LMTK2: variants seen among roughly 807,000 people sequenced by gnomAD.
The protein encoded by LMTK2 is lemur tail kinase 2, also known as serine/threonine-protein kinase LMTK2.
LMTK2 carries 37 observed loss-of-function variants against 127.5 expected under a neutral mutation model. That is an observed-to-expected ratio of 0.29 (90% confidence interval 0.22 to 0.38). The LOEUF is 0.38. Among genes scored for constraint, LMTK2 ranks in the 10% least tolerant of loss-of-function variants. LMTK2 has a pLI of 1.00. For synonymous variants in LMTK2, 819 were observed against 810.1 expected (o/e 1.01, Z -0.19); for missense variants, 1,694 against 1,920.3 (o/e 0.88, Z 2.20).
chr7:98,110,775 C>A (rs1445382052), intron 1 of LMTK2, among the ~76,000 whole-genome samples: 1 of 152,182 alleles, frequency 6.6e-6, no homozygotes, highest in Non-Finnish European at 1.5e-5. Context: ...TATTAGGTCA[C>A]AGAGTACAGA....
rs768239746 is a variant in LMTK2 at position 98,192,187 on chromosome 7, C to T, written c.1722C>T (p.Thr574=). 3.9e-6 allele frequency: 6 copies of T among 1,524,010 alleles called. No homozygotes were observed. The East Asian group carries it at 6.8e-5, about 17-fold the overall frequency. The allele number at this position is 1,524,010 out of a possible 1,614,324, so 94.4% of individuals were successfully genotyped here. A position where few individuals can be genotyped will look rare whatever the true frequency, so the allele number is the denominator to read the frequency against. The change falls in exon 11 of 14, where the codon ACC becomes ACT. Residue 574 remains threonine, a synonymous_variant. Coordinates refer to ENST00000297293, the MANE Select transcript of LMTK2 (RefSeq NM_014916.4). ...ATTACCCACCAGCGCTGCTCACAAC[C>T]GACATGGATAATCCAGAAAGGACTG... ...ELDYPPALLT[T]DMDNPERTGP... is the part of the protein sequence containing the mutation.
intron 8 of LMTK2, among the ~76,000 whole-genome samples, chr7:98,185,963 C>T (rs1294042478): frequency 6.6e-6 from 1 of 151,958 alleles, no homozygotes; most frequent in Non-Finnish European, 1.5e-5. Context: ...AAATATTATG[C>T]AAATAGAAAT....
rs918407182 is a variant in LMTK2, at chr7:98,148,511, T to A, written c.377-2871T>A. ...CCGTCTCAAAAAAAAAAAAAAATAATAATAATAATAATAAATAAAAATAAA... is the reference window on the plus strand; with the variant it reads ...CCGTCTCAAAAAAAAAAAAAAATAAAAATAATAATAATAAATAAAAATAAA... On this transcript the variant is annotated intron_variant, in intron 3 of 13. Coordinates refer to ENST00000297293, the MANE Select transcript of LMTK2 (RefSeq NM_014916.4). Among the ~76,000 whole-genome samples, 1,233 of 147,756 alleles carry A rather than the reference T, an allele frequency of 8.3e-3. 9 individuals carry two copies. The highest frequency in any genetic ancestry group is 9.3e-3 in the Non-Finnish European group (621 of 66,952).
rs756141337 is a variant in LMTK2 at position 98,192,140 on chromosome 7, A to G, written c.1675A>G (p.Ser559Gly). ...SDYYIQLEEK[S>G]GSNLELDYPP... The stretch of plus-strand genomic sequence containing the variant: ...CTATTATATCCAGTTAGAAGAAAAA[A>G]GTGGTAGTAACTTGGAGCTTGATTA... Residue 559 changes from serine (S) to glycine (G), a missense_variant, in exon 11 of 14, where the codon AGT becomes GGT. Ser to Gly is a moderately conservative substitution (Grantham distance 56). Around this residue, in one of 8 missense-constraint regions of LMTK2, gnomAD observed 527 missense variants for 539.8 expected, o/e 0.98. Coordinates refer to ENST00000297293, the MANE Select transcript of LMTK2 (RefSeq NM_014916.4). 1.3e-6 allele frequency: 2 copies of G among 1,531,432 alleles called. No individual in the cohort carries two copies. Among genetic ancestry groups the G allele is most frequent in the East Asian group, 2.3e-5 (1 of 44,288 alleles). The allele number at this position is 1,531,432 out of a possible 1,614,324, so 94.9% of individuals were successfully genotyped here.
intron 1 of LMTK2, among the ~76,000 whole-genome samples, chr7:98,115,248 A>G (rs1003114049): frequency 2.6e-4 from 39 of 151,598 alleles, no homozygotes; most frequent in African/African-American, 8.2e-4. Flanking sequence ...AACCCCGTCT[A>G]TACTAAAAAA....
At chr7:98,117,916 G>A (rs1204603825) in intron 1 of LMTK2, among the ~76,000 whole-genome samples, 5 of 152,154 alleles carry the variant, frequency 3.3e-5, no homozygotes, top group African/African-American at 4.8e-5. Flanking sequence ...GCAATGAGCC[G>A]AGATCGGACC....
At chr7:98,122,694 G>A (rs1431305517) in intron 1 of LMTK2, among the ~76,000 whole-genome samples, 7 of 2,440 alleles carry the variant, frequency 2.9e-3, no homozygotes, top group African/African-American at 3.4e-3. Context: ...GTGTGTGTGT[G>A]TGTGTGTGTG....
At chr7:98,180,756 T>G (rs1584285113) in intron 7 of LMTK2, among the ~76,000 whole-genome samples, 1 of 152,196 alleles carries the variant, frequency 6.6e-6, no homozygotes, top group Non-Finnish European at 1.5e-5. Flanking sequence ...TATATTAATA[T>G]TTACTTATAA....
chr7:98,129,023 G>A (rs16869462), intron 1 of LMTK2, among the ~76,000 whole-genome samples: 28,582 of 152,012 alleles, frequency 0.19, 3,818 homozygotes, highest in East Asian at 0.43. Flanking sequence ...GTGTAAAATT[G>A]TTGAAGGATG....
Position 98,194,134 on chromosome 7 carries a change from C to T in LMTK2, c.3669C>T (p.Cys1223=). 1 of 1,614,134 alleles carries T rather than the reference C, an allele frequency of 6.2e-7. No individual in the cohort carries two copies. Among genetic ancestry groups the T allele is most frequent in the Admixed American group, 1.7e-5 (1 of 60,024 alleles). ...TCGAGACACAGGACGATCGCCCCTGCACCCTCGCTTCCACGGGGACCAACA... is the reference window on the plus strand; with the variant it reads ...TCGAGACACAGGACGATCGCCCCTGTACCCTCGCTTCCACGGGGACCAACA... The part of the protein sequence containing the change: ...DDFETQDDRP[C]TLASTGTNTN... Residue 1223 remains cysteine (C), a synonymous_variant, in exon 11 of 14, where the codon TGC becomes TGT. Coordinates refer to ENST00000297293, the MANE Select transcript of LMTK2 (RefSeq NM_014916.4). This position sits in a 1 kb window ranked among gnomAD's most constrained non-coding sequence, Gnocchi z 5.4.
intron 1 of LMTK2, among the ~76,000 whole-genome samples, chr7:98,123,863 G>T (rs1330399518): frequency 6.6e-6 from 1 of 151,972 alleles, no homozygotes; most frequent in Non-Finnish European, 1.5e-5. Flanking sequence ...TACTTCTGTT[G>T]ATCTTTTTGT....
chr7:98,177,584 C>G (rs991372195), intron 7 of LMTK2, among the ~76,000 whole-genome samples: 1 of 152,192 alleles, frequency 6.6e-6, no homozygotes, highest in African/African-American at 2.4e-5. Flanking sequence ...ACTTGCTTGG[C>G]CTTGACTTCC....
intron 1 of LMTK2, among the ~76,000 whole-genome samples, chr7:98,116,632 T>G (rs950206147): frequency 7.9e-5 from 12 of 152,334 alleles, no homozygotes; most frequent in South Asian, 6.2e-4. Flanking sequence ...GTACAGAGTG[T>G]TCCTGTGTAT....
intron 8 of LMTK2, 98 bp downstream of exon 8, chr7:98,185,233 G>T (rs536815340): frequency 5.5e-5 from 45 of 824,556 alleles, no homozygotes; most frequent in African/African-American, 1.0e-4. Flanking sequence ...AATCTTAGTC[G>T]CTAGGCTTTC....
intron 1 of LMTK2, among the ~76,000 whole-genome samples, chr7:98,107,513 C>T (rs1477767089): frequency 1.3e-5 from 2 of 152,188 alleles, no homozygotes; most frequent in Non-Finnish European, 2.9e-5. Flanking sequence ...TAGCAGCCAC[C>T]GACCCCTCCC....
At position 98,208,779 on chromosome 7, in the gene LMTK2, G is replaced by T. The variant is rs1211863150; in HGVS notation, c.*3287G>T. The stretch of plus-strand genomic sequence containing the variant: ...TTCACCGTAAGGGTGCAGAAAGCTC[G>T]ACCAAGCCGAATTGCAAACAACGTT... On this transcript the variant is annotated 3_prime_UTR_variant, in exon 14 of 14. Coordinates refer to ENST00000297293, the MANE Select transcript of LMTK2 (RefSeq NM_014916.4). 2.6e-5 allele frequency: 4 copies of T among 152,220 alleles called. No homozygotes were observed. Among genetic ancestry groups the T allele is most frequent in the Admixed American group, 2.6e-4 (4 of 15,292 alleles). The allele number at this position is 152,220 out of a possible 1,614,324, so 9.4% of individuals were successfully genotyped here. A position where few individuals can be genotyped will look rare whatever the true frequency, so the allele number is the denominator to read the frequency against.
At chr7:98,141,667 C>G (rs1796702311) in intron 3 of LMTK2, 126 bp downstream of exon 3, 2 of 920,068 alleles carry the variant, frequency 2.2e-6, no homozygotes, top group Middle Eastern at 2.2e-4. Flanking sequence ...CCTTCTGCTC[C>G]CAGTGAAGCT....
intron 1 of LMTK2, among the ~76,000 whole-genome samples, chr7:98,110,191 T>A (rs17169293): frequency 0.057 from 8,606 of 152,236 alleles, 605 homozygotes; most frequent in East Asian, 0.34. Flanking sequence ...AAACTGAAGA[T>A]CATTTATCTA....
intron 1 of LMTK2, among the ~76,000 whole-genome samples, chr7:98,136,023 C>T (rs925337705): frequency 6.6e-6 from 1 of 151,926 alleles, no homozygotes; most frequent in Non-Finnish European, 1.5e-5. Context: ...ATGGCTGGTT[C>T]TCAAGCAGAG....
Sources: gnomAD v4.1 joint callset for allele counts (sites outside exome capture counted in the v4.1 genomes callset) on GRCh38, gnomAD v4.1.1 for gene constraint, gnomAD v4.1.1 regional missense constraint, Gnocchi (gnomAD v3.1) non-coding constraint, MANE v1.5 for transcripts, NCBI Gene and HGNC (gene_info 2026-07-23, HGNC 2026-07-21) for gene names.